Variants in IGSF11 observed in about 807,000 individuals in gnomAD.
IGSF11 encodes the protein immunoglobulin superfamily member 11.
In IGSF11, 22 loss-of-function variants were observed where a neutral mutation model predicts 41.0. The ratio of observed to expected loss-of-function variants is 0.54; its 90% CI spans 0.38 to 0.77. IGSF11 has a LOEUF of 0.77. Ranked by LOEUF, IGSF11 falls within the 30% of genes least tolerant of loss-of-function variation. The pLI is 0.00. For missense variants in IGSF11, 444 were observed against 530.8 expected (o/e 0.84, Z 1.61); for synonymous variants, 219 against 201.3 (o/e 1.09, Z -0.74).
intron 5 of IGSF11, 33 bp from the exon 6 acceptor site, chr3:118,904,831 A>G: frequency 6.4e-7 from 1 of 1,554,210 alleles, no homozygotes; most frequent in East Asian, 2.3e-5. Context: ...ATTTAAAGAA[A>G]AGAGAAAGAG....
At chr3:119,011,971 A>G (rs1433815948) in intron 1 of IGSF11, among the ~76,000 whole-genome samples, 1 of 146,356 alleles carries the variant, frequency 6.8e-6, no homozygotes, top group African/African-American at 2.5e-5. Flanking sequence ...GTGTGTGTGT[A>G]TACACACATA....
At chr3:118,954,524 T>G (rs78694804) in intron 1 of IGSF11, among the ~76,000 whole-genome samples, 3,971 of 152,198 alleles carry the variant, frequency 0.026, 146 homozygotes, top group African/African-American at 0.09. Flanking sequence ...CTGTTAATGC[T>G]AATATTTTGA....
intron 4 of IGSF11, among the ~76,000 whole-genome samples, chr3:118,917,790 C>G (rs1314077096): frequency 2.8e-5 from 4 of 142,022 alleles, no homozygotes; most frequent in Non-Finnish European, 6.2e-5. Context: ...CAAAGCCGGG[C>G]AGAGACACAA....
At chr3:119,059,001 C>A (rs1235853663) in intron 1 of IGSF11, among the ~76,000 whole-genome samples, 2 of 151,682 alleles carry the variant, frequency 1.3e-5, no homozygotes, top group Non-Finnish European at 2.9e-5. Flanking sequence ...GGAGGGATAG[C>A]ATTAGGAGAT....
In IGSF11 at chr3:118,964,435, G is replaced by C. The variant is rs566320617; in HGVS notation, c.53-34160C>G. ...GGTCAGGACAGAAGACTTCCCACCA[G>C]TATGTCACAGGCTAAGAAGAGGGTC... On this transcript the variant is annotated intron_variant, in intron 1 of 6. Transcript: ENST00000393775. Among the ~76,000 whole-genome samples the C allele has an allele frequency of 2.6e-5, 4 of 152,216 alleles. No homozygotes were observed. In the South Asian group the frequency reaches 8.3e-4, roughly 32 times the overall value.
chr3:119,091,007 A>C (rs564142770), intron 1 of IGSF11, among the ~76,000 whole-genome samples: 13 of 152,334 alleles, frequency 8.5e-5, no homozygotes, highest in African/African-American at 2.9e-4. Context: ...CAAGGAACTT[A>C]AGGAAAAAAC....
rs1429929884 is a variant in IGSF11, at chr3:118,919,331, C to A, written c.580+6770G>T. Among the ~76,000 whole-genome samples the A allele has an allele frequency of 2.2e-3, 297 of 133,564 alleles. 2 individuals carry two copies. Among genetic ancestry groups the A allele is most frequent in the African/African-American group, 7.9e-3 (254 of 31,978 alleles). 87.6% of individuals were successfully genotyped at this position (133,564 alleles called of 152,430 possible). A position where few individuals can be genotyped will look rare whatever the true frequency, so the allele number is the denominator to read the frequency against. Reference sequence around the variant, plus strand: ...ATCAGAGTGAACAGGCAACCTACAACATGGGAGAAAATTTTCACAACCTAC... The same window carrying A: ...ATCAGAGTGAACAGGCAACCTACAAAATGGGAGAAAATTTTCACAACCTAC... On this transcript the variant is annotated intron_variant, in intron 4 of 6. Transcript: ENST00000393775.
At chr3:118,913,357 T>A (rs1433781238) in intron 4 of IGSF11, among the ~76,000 whole-genome samples, 1 of 151,992 alleles carries the variant, frequency 6.6e-6, no homozygotes, top group Non-Finnish European at 1.5e-5. Flanking sequence ...TTAATAAAAA[T>A]TAACACATAC....
At chr3:118,992,476 TA>T (rs1935884341) in intron 1 of IGSF11, among the ~76,000 whole-genome samples, 1 of 152,228 alleles carries the variant, frequency 6.6e-6, no homozygotes, top group Non-Finnish European at 1.5e-5. Flanking sequence ...ATCTACATTT[TA>T]AAAGTGTTTA....
intron 4 of IGSF11, among the ~76,000 whole-genome samples, chr3:118,910,188 ATGG>A (rs1364130258): frequency 6.6e-6 from 1 of 152,178 alleles, no homozygotes; most frequent in Admixed American, 6.5e-5. Flanking sequence ...TTCTCAAAGA[ATGG>A]CACATGGTGT....
chr3:119,117,824 C>T (rs1034482930), intron 1 of IGSF11, among the ~76,000 whole-genome samples: 1 of 152,216 alleles, frequency 6.6e-6, no homozygotes, highest in Non-Finnish European at 1.5e-5. Flanking sequence ...GTAAATATTG[C>T]CATCCCAAAT....
intron 1 of IGSF11, among the ~76,000 whole-genome samples, chr3:119,093,428 C>G (rs1436000489): frequency 2.0e-5 from 3 of 151,710 alleles, no homozygotes; most frequent in African/African-American, 7.3e-5. Flanking sequence ...TAAACCTGAC[C>G]GTTAAACTTA....
intron 1 of IGSF11, among the ~76,000 whole-genome samples, chr3:119,048,406 G>T (rs1023766068): frequency 6.6e-6 from 1 of 152,146 alleles, no homozygotes; most frequent in African/African-American, 2.4e-5. Flanking sequence ...AGAAGAAATG[G>T]ATAAATTCTT....
At chr3:118,917,013 T>C (rs1238794683) in intron 4 of IGSF11, among the ~76,000 whole-genome samples, 1 of 152,032 alleles carries the variant, frequency 6.6e-6, no homozygotes, top group Non-Finnish European at 1.5e-5. Context: ...GACTACTGGG[T>C]ACATAAGGAA....
chr3:118,954,035 G>A (rs1187896398), intron 1 of IGSF11, among the ~76,000 whole-genome samples: 3 of 152,074 alleles, frequency 2.0e-5, no homozygotes, highest in Admixed American at 2.0e-4. Context: ...ATGGTTTCAG[G>A]TCTTAGATTT....
chr3:118,962,923 C>T (rs1333639313), intron 1 of IGSF11, among the ~76,000 whole-genome samples: 2 of 152,114 alleles, frequency 1.3e-5, no homozygotes, highest in Non-Finnish European at 2.9e-5. Flanking sequence ...GTCAGTTTAT[C>T]ATGAAGCCTG....
At chr3:119,010,271 C>A (rs1182878628) in intron 1 of IGSF11, among the ~76,000 whole-genome samples, 1 of 152,088 alleles carries the variant, frequency 6.6e-6, no homozygotes, top group Non-Finnish European at 1.5e-5. Flanking sequence ...AGCTGGTATT[C>A]CCCAGCAACC....
At chr3:118,953,175 T>C (rs1944700482) in intron 1 of IGSF11, among the ~76,000 whole-genome samples, 1 of 152,172 alleles carries the variant, frequency 6.6e-6, no homozygotes, top group South Asian at 2.1e-4. Context: ...GTTACTTCAC[T>C]CAGAATAATG....
At chr3:118,985,720 T>A (rs1935188105) in intron 1 of IGSF11, among the ~76,000 whole-genome samples, 1 of 152,200 alleles carries the variant, frequency 6.6e-6, no homozygotes. Context: ...TAAATTGGTC[T>A]CCTCAATTAG....
Sources: allele counts gnomAD v4.1 joint callset (sites outside exome capture counted in the v4.1 genomes callset), GRCh38; gene constraint gnomAD v4.1.1; transcripts MANE v1.5; gene names NCBI Gene and HGNC (gene_info 2026-07-23, HGNC 2026-07-21).